Variants in STRBP observed in about 807,000 individuals in gnomAD.
STRBP encodes spermatid perinuclear RNA-binding protein.
In STRBP, 13 loss-of-function variants were observed where a neutral mutation model predicts 80.1. The observed-to-expected ratio is 0.16, with a 90% CI of 0.11 to 0.26. The LOEUF is 0.26. STRBP is among the 10% of genes least tolerant of loss of function. The pLI is 1.00. For missense variants in STRBP, 485 were observed against 815.2 expected (o/e 0.59, Z 4.93); for synonymous variants, 284 against 291.2 (o/e 0.98, Z 0.25).
intron 2 of STRBP, among the ~76,000 whole-genome samples, chr9:123,210,555 G>A (rs569218585): frequency 2.1e-4 from 32 of 152,186 alleles, no homozygotes; most frequent in Non-Finnish European, 1.8e-4. Context: ...CAAGCAGGCC[G>A]GGCGCAGTGG....
chr9:123,205,249 G>C (rs2039473822), intron 2 of STRBP, among the ~76,000 whole-genome samples: 1 of 152,220 alleles, frequency 6.6e-6, no homozygotes, highest in Non-Finnish European at 1.5e-5. Context: ...TGGGCAACAA[G>C]AGCAAAACTC....
At chr9:123,135,186 A>G (rs1326932277) in intron 16 of STRBP, among the ~76,000 whole-genome samples, 1 of 152,200 alleles carries the variant, frequency 6.6e-6, no homozygotes, top group Non-Finnish European at 1.5e-5. Flanking sequence ...TACCTGTAAA[A>G]TAAGATCAAT....
intron 16 of STRBP, among the ~76,000 whole-genome samples, chr9:123,133,545 G>GT (rs80271954): frequency 0.084 from 12,261 of 146,532 alleles, 1,646 homozygotes; most frequent in East Asian, 0.63. Flanking sequence ...TCTTTTTTTG[G>GT]TTTTTTTTTT....
At chr9:123,201,733 G>A (rs1026453511) in intron 2 of STRBP, among the ~76,000 whole-genome samples, 1 of 152,150 alleles carries the variant, frequency 6.6e-6, no homozygotes, top group South Asian at 2.1e-4. Flanking sequence ...GCAGATCTTA[G>A]GTAGAATGTT....
At chr9:123,117,461 A>G (rs1265779551), downstream of STRBP, among the ~76,000 whole-genome samples, 1 of 152,194 alleles carries the variant, frequency 6.6e-6, no homozygotes, top group East Asian at 1.9e-4. Context: ...GGTGGTTCAC[A>G]GGCAGCAATT....
At chr9:123,144,923 TA>T (rs1158241877) in intron 13 of STRBP, among the ~76,000 whole-genome samples, 3 of 151,980 alleles carry the variant, frequency 2.0e-5, no homozygotes, top group Non-Finnish European at 2.9e-5. Flanking sequence ...CCAAATAAAG[TA>T]AGCAGAGTTT....
rs539786010 is a variant in STRBP at position 123,123,172 on chromosome 9, C to T, written c.*2425G>A. ...CCCAAGTGAATAATAAATGGTGCGA[C>T]GCTCAGAGGCTGGCAATAGGGGCTG... On this transcript the variant is annotated 3_prime_UTR_variant, in exon 19 of 19. Coordinates refer to ENST00000348403, the MANE Select transcript of STRBP (RefSeq NM_018387.5). 36 of 985,346 alleles carry T rather than the reference C, an allele frequency of 3.7e-5. No homozygotes were observed. Among genetic ancestry groups the T allele is most frequent in the African/African-American group, 5.2e-5 (3 of 57,324 alleles). 61.0% of individuals were successfully genotyped at this position (985,346 alleles called of 1,614,324 possible).
Position 123,115,379 on chromosome 9 carries a change from G to A in STRBP, c.*84+550C>T, listed in dbSNP as rs769542943. The A allele has an allele frequency of 2.1e-6, 1 of 471,104 alleles. No individual in the cohort carries two copies. The highest frequency in any genetic ancestry group is 1.5e-5 in the South Asian group (1 of 64,572). The allele number at this position is 471,104 out of a possible 1,614,324, so 29.2% of individuals were successfully genotyped here. A position where few individuals can be genotyped will look rare whatever the true frequency, so the allele number is the denominator to read the frequency against. ...AACGGGCCTGCCAGCGCCCAGCCCA[G>A]GGCTGGCAAGGAGGATCCCTAGCAG... On this transcript the variant is annotated intron_variant and NMD_transcript_variant, in intron 3 of 3. Coordinates refer to the STRBP transcript ENST00000471564. The surrounding 1 kb of genome is among the most constrained non-coding windows in gnomAD (Gnocchi z 5.0).
chr9:123,250,419 A>G (rs976731114), intron 1 of STRBP, among the ~76,000 whole-genome samples: 10 of 152,236 alleles, frequency 6.6e-5, no homozygotes, highest in African/African-American at 2.4e-4. Flanking sequence ...TTTATCAGAT[A>G]TAATTTCCGA....
At chr9:123,243,265 CAAA>C (rs1160280485) in intron 1 of STRBP, among the ~76,000 whole-genome samples, 2 of 78,924 alleles carry the variant, frequency 2.5e-5, no homozygotes, top group African/African-American at 3.7e-5. Flanking sequence ...ATCAATAAGA[CAAA>C]AAAAAAAAAA....
chr9:123,196,045 A>G (rs937755129), intron 2 of STRBP, among the ~76,000 whole-genome samples: 3 of 152,182 alleles, frequency 2.0e-5, no homozygotes, highest in African/African-American at 7.2e-5. Context: ...ATGGAACATA[A>G]TAGAGAACCC....
chr9:123,228,195 G>C (rs776302154), intron 2 of STRBP, among the ~76,000 whole-genome samples: 6 of 152,144 alleles, frequency 3.9e-5, no homozygotes, highest in Non-Finnish European at 7.4e-5. Flanking sequence ...TATTTTTAAA[G>C]AAAGAAAAGG....
At chr9:123,204,849 G>A (rs1464362418) in intron 2 of STRBP, among the ~76,000 whole-genome samples, 3 of 148,530 alleles carry the variant, frequency 2.0e-5, no homozygotes, top group Admixed American at 6.7e-5. Flanking sequence ...ATGTGAACCC[G>A]GAAGGCAGAG....
At chr9:123,236,482 T>C (rs768876739) in intron 2 of STRBP, among the ~76,000 whole-genome samples, 14 of 152,130 alleles carry the variant, frequency 9.2e-5, no homozygotes, top group Non-Finnish European at 2.1e-4. Context: ...AGTGAGGCAA[T>C]ACAAGTTCTT....
intron 3 of STRBP, among the ~76,000 whole-genome samples, chr9:123,182,809 C>T (rs1458874319): frequency 6.6e-6 from 1 of 151,978 alleles, no homozygotes; most frequent in East Asian, 1.9e-4. Flanking sequence ...CCAAGGCGTT[C>T]CAGACCAGCC....
At chr9:123,254,810 A>C (rs2040993747) in intron 1 of STRBP, among the ~76,000 whole-genome samples, 1 of 152,180 alleles carries the variant, frequency 6.6e-6, no homozygotes, top group South Asian at 2.1e-4. Context: ...TGGAAAACAA[A>C]AGGCTCTATA....
chr9:123,129,149 G>A (rs1177549818), intron 17 of STRBP, among the ~76,000 whole-genome samples: 15 of 152,058 alleles, frequency 9.9e-5, no homozygotes, highest in Admixed American at 7.2e-4. Context: ...TTGAACCCAG[G>A]AGTTAGAGAC....
In STRBP at chr9:123,169,961, G is replaced by A. The variant is rs1268275479; in HGVS notation, c.476C>T (p.Thr159Ile). The change falls in exon 6 of 19, where the codon ACT becomes ATT. Residue 159 changes from threonine to isoleucine, a missense_variant. Physicochemically the swap from Thr to Ile is moderately conservative, Grantham distance 89 (BLOSUM62 -1). Coordinates refer to ENST00000348403, the MANE Select transcript of STRBP (RefSeq NM_018387.5). ...IIRNTKEPTLTLKVILTSPLI... is the reference protein window; with the variant it reads ...IIRNTKEPTLILKVILTSPLI... ...AGGTGAGGTAAGTATCACCTTCAAA[G>A]TTAGCGTGGGCTCTTTTGTATTCCG... is the stretch of plus-strand genomic sequence containing the variant. 6.2e-7 allele frequency: 1 copy of A among 1,608,204 alleles called. No individual in the cohort carries two copies. The highest frequency in any genetic ancestry group is 1.1e-5 in the South Asian group (1 of 89,506).
chr9:123,221,794 T>C (rs2040077440), intron 2 of STRBP, among the ~76,000 whole-genome samples: 1 of 152,218 alleles, frequency 6.6e-6, no homozygotes, highest in South Asian at 2.1e-4. Context: ...CAGGGGGTAC[T>C]TGATACCAGC....
Sources: allele counts gnomAD v4.1 joint callset (sites outside exome capture counted in the v4.1 genomes callset), GRCh38; gene constraint gnomAD v4.1.1; non-coding constraint Gnocchi (gnomAD v3.1); transcripts MANE v1.5; gene names NCBI Gene and HGNC (gene_info 2026-07-23, HGNC 2026-07-21).